The following CNTNAP2 variants were observed in gnomAD, a reference collection of about 807,000 sequenced individuals.
CNTNAP2 encodes the protein contactin-associated protein-like 2.
Under a neutral mutation model 155.2 loss-of-function variants are expected in CNTNAP2, and 98 were observed. The ratio of observed to expected loss-of-function variants is 0.63; its 90% CI spans 0.54 to 0.75. The LOEUF is 0.75. CNTNAP2 is among the 30% of genes least tolerant of loss of function. CNTNAP2 has a pLI of 0.00. For missense variants in CNTNAP2, 1,727 were observed against 1,688.1 expected (o/e 1.02, Z -0.40); for synonymous variants, 651 against 631.2 (o/e 1.03, Z -0.47).
At chr7:146,270,906 C>T (rs1800071122) in intron 1 of CNTNAP2, among the ~76,000 whole-genome samples, 1 of 151,952 alleles carries the variant, frequency 6.6e-6, no homozygotes, top group Non-Finnish European at 1.5e-5. Context: ...TTCTTGAATA[C>T]CTAATATGTA....
At chr7:146,703,583 G>C (rs1221452602) in intron 1 of CNTNAP2, among the ~76,000 whole-genome samples, 1 of 152,120 alleles carries the variant, frequency 6.6e-6, no homozygotes, top group Non-Finnish European at 1.5e-5. Flanking sequence ...TGGAGGCCAG[G>C]AAGTCCAAGA....
chr7:147,337,620 T>A (rs529561703), intron 9 of CNTNAP2, among the ~76,000 whole-genome samples: 1 of 152,262 alleles, frequency 6.6e-6, no homozygotes, highest in East Asian at 1.9e-4. Context: ...AAAGGAGTGA[T>A]TCTAAGGTCT....
At chr7:147,011,242 C>A (rs1329488211) in intron 3 of CNTNAP2, among the ~76,000 whole-genome samples, 1 of 151,536 alleles carries the variant, frequency 6.6e-6, no homozygotes, top group Non-Finnish European at 1.5e-5. Context: ...CATGAAACCC[C>A]GTCTCTACTA....
At chr7:148,293,361 A>T (rs1797225909) in intron 21 of CNTNAP2, among the ~76,000 whole-genome samples, 1 of 152,184 alleles carries the variant, frequency 6.6e-6, no homozygotes, top group Admixed American at 6.5e-5. Flanking sequence ...TGGTATATGG[A>T]TATGTCTCTC....
At position 147,844,897 on chromosome 7, in the gene CNTNAP2, T is replaced by A. The variant is rs1377717751; in HGVS notation, c.2099-58668T>A. ...GCTCTGTTTATATGCTGGATTACAT[T>A]TATTGATTTGCGTATATTGAACCAG... On this transcript the variant is annotated intron_variant, in intron 13 of 23. Transcript: ENST00000361727. Among the ~76,000 whole-genome samples, 631 of 132,542 alleles carry A rather than the reference T, an allele frequency of 4.8e-3. 3 individuals carry two copies. The highest frequency in any genetic ancestry group is 9.0e-3 in the African/African-American group (338 of 37,628). The allele number at this position is 132,542 out of a possible 152,430, so 87.0% of individuals were successfully genotyped here.
intron 14 of CNTNAP2, among the ~76,000 whole-genome samples, chr7:147,960,508 T>C (rs1801098065): frequency 6.6e-6 from 1 of 152,146 alleles, no homozygotes; most frequent in African/African-American, 2.4e-5. Flanking sequence ...CTGCCAAATA[T>C]GAGAATAATC....
intron 9 of CNTNAP2, among the ~76,000 whole-genome samples, chr7:147,372,373 C>A (rs1251889563): frequency 2.6e-5 from 4 of 152,046 alleles, no homozygotes; most frequent in African/African-American, 9.7e-5. Flanking sequence ...CTATTCTGGG[C>A]ATATTTTAAT....
intron 15 of CNTNAP2, among the ~76,000 whole-genome samples, chr7:148,062,493 A>C (rs1005479392): frequency 2.0e-5 from 3 of 152,146 alleles, no homozygotes; most frequent in Admixed American, 2.0e-4. Context: ...GGCACACGAC[A>C]ATAAGTAAAA....
chr7:147,891,887 C>T (rs540992626), intron 13 of CNTNAP2, among the ~76,000 whole-genome samples: 31 of 152,216 alleles, frequency 2.0e-4, no homozygotes, highest in African/African-American at 2.4e-4. Context: ...AGGCCAAAGT[C>T]ATTCATGAAT....
intron 1 of CNTNAP2, among the ~76,000 whole-genome samples, chr7:146,607,985 C>T (rs759038793): frequency 6.6e-6 from 1 of 152,132 alleles, no homozygotes; most frequent in East Asian, 1.9e-4. Context: ...AGGACACATT[C>T]ATTTAAAGGA....
chr7:148,172,121 A>G, intron 17 of CNTNAP2, 121 bp from the exon 18 acceptor site: 1 of 983,282 alleles, frequency 1.0e-6, no homozygotes, highest in Non-Finnish European at 1.6e-6. Flanking sequence ...GACCAACTTG[A>G]TAGTGACAAT....
intron 1 of CNTNAP2, among the ~76,000 whole-genome samples, chr7:146,723,749 A>T (rs1490373807): frequency 2.6e-5 from 4 of 152,200 alleles, no homozygotes; most frequent in South Asian, 2.1e-4. Context: ...TACAAAGATA[A>T]ATAAGAGAAG....
intron 10 of CNTNAP2, among the ~76,000 whole-genome samples, chr7:147,451,851 T>C (rs1797839784): frequency 6.6e-6 from 1 of 152,074 alleles, no homozygotes; most frequent in Non-Finnish European, 1.5e-5. Context: ...GACTGGGTCA[T>C]TAGAGCTCCA....
intron 15 of CNTNAP2, among the ~76,000 whole-genome samples, chr7:148,107,294 C>G (rs1201615597): frequency 6.6e-6 from 1 of 152,172 alleles, no homozygotes. Flanking sequence ...ACTGCTTTCA[C>G]CAGCATATTC....
intron 15 of CNTNAP2, among the ~76,000 whole-genome samples, chr7:148,011,412 C>T (rs111439283): frequency 1.6e-4 from 25 of 152,158 alleles, no homozygotes; most frequent in African/African-American, 2.9e-4. Flanking sequence ...TATTTTCTCA[C>T]GGTTTTCATT....
intron 1 of CNTNAP2, among the ~76,000 whole-genome samples, chr7:146,310,753 C>T (rs910424383): frequency 2.6e-5 from 4 of 152,100 alleles, no homozygotes; most frequent in Non-Finnish European, 5.9e-5. Context: ...ATCAATTTAT[C>T]CATTCATCCA....
intron 10 of CNTNAP2, among the ~76,000 whole-genome samples, chr7:147,425,760 G>A (rs1797368363): frequency 6.6e-6 from 1 of 152,094 alleles, no homozygotes; most frequent in Non-Finnish European, 1.5e-5. Context: ...TGAACTTCTT[G>A]TCAGCATTGT....
At chr7:147,290,204 C>T (rs1019099238) in intron 8 of CNTNAP2, among the ~76,000 whole-genome samples, 1 of 152,124 alleles carries the variant, frequency 6.6e-6, no homozygotes, top group African/African-American at 2.4e-5. Context: ...TAATATTTAT[C>T]ATTGATTAAA....
intron 21 of CNTNAP2, among the ~76,000 whole-genome samples, chr7:148,336,442 T>TAA (rs55690485): frequency 3.6e-4 from 53 of 148,724 alleles, no homozygotes; most frequent in South Asian, 6.4e-4. Flanking sequence ...GATGGTCTTT[T>TAA]AAAAAAAAAA....
Sources: allele counts gnomAD v4.1 joint callset (sites outside exome capture counted in the v4.1 genomes callset), GRCh38; gene constraint gnomAD v4.1.1; transcripts MANE v1.5; gene names NCBI Gene and HGNC (gene_info 2026-07-23, HGNC 2026-07-21).